Variants in ADAMTS16 observed in about 807,000 individuals in gnomAD.
ADAMTS16 encodes the protein A disintegrin and metalloproteinase with thrombospondin motifs 16.
A neutral mutation model predicts 145.8 loss-of-function variants in ADAMTS16; 94 were observed. The ratio of observed to expected loss-of-function variants is 0.64; its 90% CI spans 0.55 to 0.77. The LOEUF (loss-of-function observed/expected upper bound fraction) is 0.77. ADAMTS16 is among the 30% of genes least tolerant of loss of function. ADAMTS16 has a pLI of 0.00. For missense variants in ADAMTS16, 1,585 were observed against 1,591.5 expected (o/e 1.00, Z 0.07); for synonymous variants, 659 against 604.3 (o/e 1.09, Z -1.33).
chr5:5,237,035 A>G lies in ADAMTS16; in HGVS notation c.2090A>G (p.Lys697Arg). 1 of 1,614,100 alleles carries G rather than the reference A, an allele frequency of 6.2e-7. No homozygotes were observed. ...GATTTCTTCTTTTCTTTGTCAAATAAAGTCAAAGATGGGACTCCATGCTCG... is the reference window on the plus strand; with the variant it reads ...GATTTCTTCTTTTCTTTGTCAAATAGAGTCAAAGATGGGACTCCATGCTCG... ...GFDFFFSLSN[K>R]VKDGTPCSED... The change falls in exon 14 of 23, where the codon AAA becomes AGA. Residue 697 changes from lysine to arginine, a missense_variant. By Grantham distance (26) the Lys-to-Arg change is conservative (BLOSUM62 2). This residue lies in a region of ADAMTS16 where 834 missense variants were observed against 811.7 expected (regional missense o/e 1.03). Transcript: ENST00000274181.
chr5:5,221,550 C>T (rs143493674), intron 10 of ADAMTS16, among the ~76,000 whole-genome samples: 6 of 152,206 alleles, frequency 3.9e-5, no homozygotes, highest in Non-Finnish European at 7.4e-5. Flanking sequence ...TAAACCACAG[C>T]GCAATATGAA....
At chr5:5,232,038 C>T (rs1198251658) in intron 11 of ADAMTS16, among the ~76,000 whole-genome samples, 2 of 152,078 alleles carry the variant, frequency 1.3e-5, no homozygotes, top group Non-Finnish European at 2.9e-5. Flanking sequence ...CAGAGTTCAC[C>T]GACTTGGGAG....
chr5:5,232,003 A>G (rs1414947050), intron 11 of ADAMTS16, among the ~76,000 whole-genome samples: 1 of 152,210 alleles, frequency 6.6e-6, no homozygotes, highest in African/African-American at 2.4e-5. Context: ...TGAGATGTGA[A>G]AAGCACCTTG....
intron 18 of ADAMTS16, among the ~76,000 whole-genome samples, chr5:5,284,171 C>A (rs371478424): frequency 2.6e-5 from 4 of 152,212 alleles, no homozygotes; most frequent in African/African-American, 9.6e-5. Context: ...AAAATCATTG[C>A]TTATGCCACT....
intron 2 of ADAMTS16, among the ~76,000 whole-genome samples, chr5:5,143,207 G>T (rs1213616104): frequency 6.6e-6 from 1 of 152,076 alleles, no homozygotes; most frequent in African/African-American, 2.4e-5. Context: ...GAGAATGAGA[G>T]AAAATTGTTG....
intron 9 of ADAMTS16, among the ~76,000 whole-genome samples, chr5:5,207,149 C>T (rs1275681973): frequency 6.6e-6 from 1 of 152,320 alleles, no homozygotes. Context: ...AAGAACTAAT[C>T]TCCTGACAAG....
intron 17 of ADAMTS16, among the ~76,000 whole-genome samples, chr5:5,256,888 A>G (rs1335280895): frequency 6.6e-6 from 1 of 152,246 alleles, no homozygotes; most frequent in Non-Finnish European, 1.5e-5. Context: ...TAAACTTGAA[A>G]AGTAAGTGTA....
chr5:5,243,000 T>A (rs1421283678), intron 17 of ADAMTS16, among the ~76,000 whole-genome samples: 1 of 152,208 alleles, frequency 6.6e-6, no homozygotes, highest in Non-Finnish European at 1.5e-5. Flanking sequence ...GACAATATTA[T>A]GTTTAAGTAA....
chr5:5,266,042 G>GTGT (rs1234185194), intron 18 of ADAMTS16, among the ~76,000 whole-genome samples: 1 of 150,824 alleles, frequency 6.6e-6, no homozygotes, highest in Non-Finnish European at 1.5e-5. Flanking sequence ...TTCACATGCA[G>GTGT]GAGGGACTAG....
intron 18 of ADAMTS16, among the ~76,000 whole-genome samples, chr5:5,287,618 C>T (rs932929011): frequency 2.0e-5 from 3 of 152,184 alleles, no homozygotes; most frequent in Admixed American, 6.5e-5. Flanking sequence ...GATATTCTTA[C>T]TGCCTGAGAG....
intron 21 of ADAMTS16, among the ~76,000 whole-genome samples, chr5:5,307,888 G>A (rs1740248219): frequency 6.6e-6 from 1 of 152,182 alleles, no homozygotes; most frequent in South Asian, 2.1e-4. Context: ...GGCGCCCTCT[G>A]CTCTATATCC....
intron 17 of ADAMTS16, among the ~76,000 whole-genome samples, chr5:5,242,660 A>G (rs1172703144): frequency 1.3e-5 from 2 of 152,222 alleles, no homozygotes; most frequent in Non-Finnish European, 2.9e-5. Flanking sequence ...CCAGAAAATA[A>G]AAGAATATTT....
intron 9 of ADAMTS16, among the ~76,000 whole-genome samples, chr5:5,205,038 T>G (rs1736055251): frequency 6.6e-6 from 1 of 152,158 alleles, no homozygotes; most frequent in Non-Finnish European, 1.5e-5. Flanking sequence ...TGAATAACCT[T>G]TTCCTTTTTA....
intron 17 of ADAMTS16, among the ~76,000 whole-genome samples, chr5:5,252,067 T>A (rs979604625): frequency 1.3e-5 from 2 of 152,184 alleles, no homozygotes; most frequent in Admixed American, 6.5e-5. Flanking sequence ...GCCAGGATGG[T>A]CTTGATCTCC....
At chr5:5,261,720 G>A (rs1020697811) in intron 17 of ADAMTS16, among the ~76,000 whole-genome samples, 4 of 152,210 alleles carry the variant, frequency 2.6e-5, no homozygotes, top group East Asian at 1.9e-4. Flanking sequence ...CCCTGACCTC[G>A]TGATCCACCC....
chr5:5,189,136 A>G (rs182247234), intron 6 of ADAMTS16, among the ~76,000 whole-genome samples: 1 of 152,200 alleles, frequency 6.6e-6, no homozygotes, highest in Admixed American at 6.5e-5. Context: ...TCAATACGAC[A>G]TCCTAACAGT....
At position 5,303,472 on chromosome 5, in the gene ADAMTS16, A is replaced by T; in HGVS notation, c.2991+3A>T. On this transcript the variant is annotated splice_donor_region_variant and intron_variant, in intron 19 of 22. Coordinates refer to ENST00000274181, the MANE Select transcript of ADAMTS16 (RefSeq NM_139056.4). The stretch of plus-strand genomic sequence containing the variant: ...GGAGCGCCGGGCCCTGGGCAGAGGT[A>T]ACCAGGGTGGGGTTGGCATGGGTGG... The T allele has an allele frequency of 6.2e-7, 1 of 1,609,658 alleles. No homozygotes were observed. Among genetic ancestry groups the T allele is most frequent in the Non-Finnish European group, 8.5e-7 (1 of 1,177,088 alleles).
chr5:5,160,866 T>C (rs1190379403), intron 3 of ADAMTS16, among the ~76,000 whole-genome samples: 1 of 151,988 alleles, frequency 6.6e-6, no homozygotes, highest in Admixed American at 6.6e-5. Context: ...AGAGGACAAG[T>C]GCCCTGGGAG....
At chr5:5,283,661 T>G (rs2126475930) in intron 18 of ADAMTS16, among the ~76,000 whole-genome samples, 1 of 152,350 alleles carries the variant, frequency 6.6e-6, no homozygotes, top group South Asian at 2.1e-4. Flanking sequence ...GAGTGTTGAC[T>G]GATGCTCTGT....
Sources: allele counts gnomAD v4.1 joint callset (sites outside exome capture counted in the v4.1 genomes callset), GRCh38; gene constraint gnomAD v4.1.1; regional missense constraint gnomAD v4.1.1; transcripts MANE v1.5; gene names NCBI Gene and HGNC (gene_info 2026-07-23, HGNC 2026-07-21).